Variants in MVB12B observed in about 807,000 individuals in gnomAD.
The protein encoded by MVB12B is ESCRT-I complex subunit MVB12B.
In MVB12B, 16 loss-of-function variants were observed where a neutral mutation model predicts 41.6. The ratio of observed to expected loss-of-function variants is 0.38; its 90% CI spans 0.26 to 0.58. The LOEUF (loss-of-function observed/expected upper bound fraction) is 0.58. Ranked by LOEUF, MVB12B falls within the 20% of genes least tolerant of loss-of-function variation. The pLI, the probability that MVB12B is intolerant of heterozygous loss-of-function variation, is 0.62. For missense variants in MVB12B, 274 were observed against 380.2 expected, an observed-to-expected ratio of 0.72 and a Z score of 2.32; for synonymous variants, 133 against 139.7, an observed-to-expected ratio of 0.95 and a Z score of 0.34.
chr9:126,346,376 G>C (rs1489551193), intron 2 of MVB12B, among the ~76,000 whole-genome samples: 1 of 152,134 alleles, frequency 6.6e-6, no homozygotes, highest in Non-Finnish European at 1.5e-5. Flanking sequence ...GTTGGGAGGT[G>C]GGGGAGTAGG....
At chr9:126,378,281 A>G (rs1237776410) in intron 2 of MVB12B, among the ~76,000 whole-genome samples, 12 of 152,252 alleles carry the variant, frequency 7.9e-5, no homozygotes, top group African/African-American at 2.9e-4. Flanking sequence ...CTTCAGCCGC[A>G]TAGATAGATC....
intron 7 of MVB12B, among the ~76,000 whole-genome samples, chr9:126,447,750 C>G (rs1215330567): frequency 6.6e-6 from 1 of 152,146 alleles, no homozygotes; most frequent in Non-Finnish European, 1.5e-5. Flanking sequence ...TTCATTCATT[C>G]AATTTGACCA....
chr9:126,463,427 CTT>C (rs1166466434), intron 7 of MVB12B, among the ~76,000 whole-genome samples: 5 of 152,124 alleles, frequency 3.3e-5, no homozygotes, highest in Non-Finnish European at 5.9e-5. Flanking sequence ...ATAGAAATGC[CTT>C]TTTCTCCATA....
chr9:126,356,077 T>C lies in MVB12B; in HGVS notation c.204+15447T>C, dbSNP rs116875276. On this transcript the variant is annotated intron_variant, in intron 2 of 9. Transcript: ENST00000361171. ...TTTGTTTGGCTTCTTTCACTTAGAG[T>C]CATGTTTTCAAGGTTTTTAGAATAT... Among the ~76,000 whole-genome samples the C allele has an allele frequency of 6.2e-3, 943 of 152,294 alleles. 4 individuals are homozygous for C. Among genetic ancestry groups the C allele is most frequent in the Non-Finnish European group, 0.01 (699 of 68,012 alleles).
In MVB12B at chr9:126,459,914, GC is replaced by G. The variant is rs1199742234; in HGVS notation, c.758-21453del. On this transcript the variant is annotated intron_variant, in intron 7 of 9. Transcript: ENST00000361171. The surrounding 1 kb of genome is among the most constrained non-coding windows in gnomAD (Gnocchi z 4.3). ...TTCACAGGCGGGTTTCATGAGTGGA[GC>G]CGCTCTTGTTGGGAAGCAGCTTCCC... Among the ~76,000 whole-genome samples, 1 of 152,206 alleles carries G rather than the reference GC, an allele frequency of 6.6e-6. No homozygotes were observed. Among genetic ancestry groups the G allele is most frequent in the Non-Finnish European group, 1.5e-5 (1 of 68,032 alleles).
At chr9:126,406,655 T>C (rs182651057) in intron 6 of MVB12B, among the ~76,000 whole-genome samples, 1 of 152,368 alleles carries the variant, frequency 6.6e-6, no homozygotes, top group African/African-American at 2.4e-5. Flanking sequence ...CTAGATCATC[T>C]GGAATGGAAG....
chr9:126,334,836 G>A (rs189560809), intron 1 of MVB12B, among the ~76,000 whole-genome samples: 1 of 152,322 alleles, frequency 6.6e-6, no homozygotes, highest in Admixed American at 6.5e-5. Context: ...TATGGGGCAG[G>A]GCTTTGGCCA....
chr9:126,488,017 C>T (rs1336454945), intron 9 of MVB12B, among the ~76,000 whole-genome samples: 2 of 152,322 alleles, frequency 1.3e-5, no homozygotes, highest in Non-Finnish European at 2.9e-5. Context: ...CTCTGGCCAA[C>T]GGGCTCCTTC....
rs1833236366 is a variant in MVB12B at position 126,468,184 on chromosome 9, T to C, written c.758-13185T>C. Among the ~76,000 whole-genome samples, 2 of 152,212 alleles carry C rather than the reference T, an allele frequency of 1.3e-5. No homozygotes were observed. The highest frequency in any genetic ancestry group is 1.3e-4 in the Admixed American group (2 of 15,280). On this transcript the variant is annotated intron_variant, in intron 7 of 9. Coordinates refer to ENST00000361171, the MANE Select transcript of MVB12B (RefSeq NM_033446.3). The surrounding 1 kb of genome is among the most constrained non-coding windows in gnomAD (Gnocchi z 4.3). ...TGTCCCAGGTCTGCCTCTCTCACCA[T>C]GTTCCAGAATATTTCATCTTCTCTC...
rs570311485 is a variant in MVB12B, at chr9:126,391,274, C to T, written c.410-792C>T. ...CTACAGGAGGCACAGGGGAGTGACC[C>T]GATTTCTCCAACCTGTTAGTGCCCT... is the stretch of plus-strand genomic sequence containing the variant. On this transcript the variant is annotated intron_variant, in intron 4 of 9. Transcript: ENST00000361171. This position sits in a 1 kb window ranked among gnomAD's most constrained non-coding sequence, Gnocchi z 4.4. Among the ~76,000 whole-genome samples the T allele has an allele frequency of 1.4e-4, 21 of 152,282 alleles. No individual in the cohort carries two copies. Among genetic ancestry groups the T allele is most frequent in the East Asian group, 1.4e-3 (7 of 5,176 alleles).
chr9:126,456,138 A>C (rs1331183453), intron 7 of MVB12B, among the ~76,000 whole-genome samples: 3 of 151,844 alleles, frequency 2.0e-5, no homozygotes, highest in Admixed American at 2.0e-4. Context: ...TGATCCGCCC[A>C]CCTTGGCCTT....
chr9:126,382,014 GTC>G (rs1365438637), intron 3 of MVB12B, among the ~76,000 whole-genome samples: 1 of 150,304 alleles, frequency 6.7e-6, no homozygotes, highest in African/African-American at 2.4e-5. Context: ...ATATGTTATT[GTC>G]TCTTTGTCAT....
At chr9:126,502,547 G>A (rs1025649936) in intron 9 of MVB12B, among the ~76,000 whole-genome samples, 2 of 150,784 alleles carry the variant, frequency 1.3e-5, no homozygotes, top group African/African-American at 5.0e-5. Context: ...TCCCCCCACC[G>A]GGCAGCTGCC....
intron 1 of MVB12B, among the ~76,000 whole-genome samples, chr9:126,334,051 G>A (rs572877819): frequency 2.0e-5 from 3 of 152,282 alleles, no homozygotes; most frequent in South Asian, 2.1e-4. Context: ...AGGAATGTCC[G>A]TTTTAACGAC....
rs568306181 is a variant in MVB12B, at chr9:126,431,011, G to C, written c.757+9063G>C. Reference sequence around the variant, plus strand: ...GGAATGTCACTTCTCTCCTTATTCAGCTCCCCTACAGGGATGTGATCCAAG... The same window carrying C: ...GGAATGTCACTTCTCTCCTTATTCACCTCCCCTACAGGGATGTGATCCAAG... On this transcript the variant is annotated intron_variant, in intron 7 of 9. Transcript: ENST00000361171. Among the ~76,000 whole-genome samples, 212 of 152,270 alleles carry C rather than the reference G, an allele frequency of 1.4e-3. 1 individual carries two copies. Among genetic ancestry groups the C allele is most frequent in the Non-Finnish European group, 2.6e-3 (180 of 68,016 alleles).
At chr9:126,429,192 T>A (rs1832264226) in intron 7 of MVB12B, among the ~76,000 whole-genome samples, 1 of 152,214 alleles carries the variant, frequency 6.6e-6, no homozygotes, top group South Asian at 2.1e-4. Flanking sequence ...AGAACCATTT[T>A]TATCATCCCC....
intron 7 of MVB12B, chr9:126,448,328 C>T (rs185734536): frequency 6.6e-6 from 1 of 152,448 alleles, no homozygotes; most frequent in Non-Finnish European, 1.5e-5. Context: ...AGAGACCACA[C>T]ATATGCTGCA....
chr9:126,445,364 T>A (rs1272943943), intron 7 of MVB12B, among the ~76,000 whole-genome samples: 1 of 152,228 alleles, frequency 6.6e-6, no homozygotes, highest in Non-Finnish European at 1.5e-5. Context: ...TGGAGTACAG[T>A]GGTGCGATCT....
intron 7 of MVB12B, among the ~76,000 whole-genome samples, chr9:126,458,079 C>A (rs1167473776): frequency 6.6e-6 from 1 of 152,182 alleles, no homozygotes; most frequent in Non-Finnish European, 1.5e-5. Context: ...CACGGGGCAA[C>A]CTTGACTTTT....
Sources: gnomAD v4.1 joint callset for allele counts (sites outside exome capture counted in the v4.1 genomes callset) on GRCh38, gnomAD v4.1.1 for gene constraint, Gnocchi (gnomAD v3.1) non-coding constraint, MANE v1.5 for transcripts, NCBI Gene and HGNC (gene_info 2026-07-23, HGNC 2026-07-21) for gene names.